LINGO2: variants seen among roughly 807,000 people sequenced by gnomAD.
LINGO2 encodes the protein leucine-rich repeat and immunoglobulin-like domain-containing nogo receptor-interacting protein 2.
Under a neutral mutation model 30.6 loss-of-function variants are expected in LINGO2, and 14 were observed. The ratio of observed to expected loss-of-function variants is 0.46; its 90% CI spans 0.30 to 0.72. The LOEUF is 0.72. LINGO2 is among the 30% of genes least tolerant of loss of function. LINGO2 has a pLI of 0.07. For missense variants in LINGO2, 729 were observed against 751.7 expected (o/e 0.97, Z 0.35); for synonymous variants, 317 against 288.5 (o/e 1.10, Z -1.00).
chr9:28,503,854 C>T (rs112854124), intron 1 of LINGO2, among the ~76,000 whole-genome samples: 4,173 of 150,194 alleles, frequency 0.028, 191 homozygotes, highest in African/African-American at 0.097. Flanking sequence ...AAAAAAGATA[C>T]GGGGGGAAAA....
intron 1 of LINGO2, among the ~76,000 whole-genome samples, chr9:28,573,789 AC>A (rs1395344065): frequency 5.3e-5 from 8 of 152,170 alleles, no homozygotes; most frequent in African/African-American, 1.9e-4. Flanking sequence ...TGAACCACTT[AC>A]CTGACAAATT....
intron 2 of LINGO2, among the ~76,000 whole-genome samples, chr9:28,411,824 G>A (rs1178130547): frequency 6.6e-6 from 1 of 152,094 alleles, no homozygotes; most frequent in Admixed American, 6.6e-5. Flanking sequence ...CTATCTTTAA[G>A]TCTTTGAAGA....
the LINGO2 span, among the ~76,000 whole-genome samples, chr9:29,025,087 T>A: frequency 6.6e-6 from 1 of 152,058 alleles, no homozygotes; most frequent in African/African-American, 2.4e-5. Context: ...TGAGAAAATG[T>A]TCCTTTCACA....
Position 28,148,870 on chromosome 9 carries a change from G to T in LINGO2, c.-86-136465C>A, listed in dbSNP as rs369207564. On this transcript the variant is annotated intron_variant, in intron 4 of 5. Transcript: ENST00000379992. This position sits in a 1 kb window ranked among gnomAD's most constrained non-coding sequence, Gnocchi z 5.1. ...CCAGCTCTCCAGGCTTGCTGATGGTGGGGGAGGACATGCAGCCCAAGGATC... is the reference window on the plus strand; with the variant it reads ...CCAGCTCTCCAGGCTTGCTGATGGTTGGGGAGGACATGCAGCCCAAGGATC... 3.9e-6 allele frequency: 6 copies of T among 1,533,600 alleles called. No homozygotes were observed. The highest frequency in any genetic ancestry group is 4.9e-5 in the East Asian group (2 of 40,910). 95.0% of individuals were successfully genotyped at this position (1,533,600 alleles called of 1,614,324 possible).
At chr9:28,145,213 G>C (rs901764024) in intron 4 of LINGO2, among the ~76,000 whole-genome samples, 7 of 152,186 alleles carry the variant, frequency 4.6e-5, no homozygotes, top group African/African-American at 1.7e-4. Flanking sequence ...GAAGCTTTAA[G>C]GGTTACTAGA....
the LINGO2 span, among the ~76,000 whole-genome samples, chr9:29,102,208 A>C: frequency 5.9e-5 from 9 of 151,948 alleles, no homozygotes; most frequent in South Asian, 1.9e-3. Flanking sequence ...CAGCCTCCCG[A>C]GTAGCTGGGA....
chr9:28,569,520 G>A (rs79145810), intron 1 of LINGO2, among the ~76,000 whole-genome samples: 4,789 of 151,702 alleles, frequency 0.032, 236 homozygotes, highest in African/African-American at 0.11. Flanking sequence ...TTGTTTAACA[G>A]AGAAGCCAGA....
intron 5 of LINGO2, among the ~76,000 whole-genome samples, chr9:27,976,999 G>A (rs528839279): frequency 5.3e-4 from 80 of 151,512 alleles, no homozygotes; most frequent in Non-Finnish European, 9.3e-4. Context: ...CACTAAGGCA[G>A]CAACAAAGAC....
chr9:29,022,874 A>C, the LINGO2 span, among the ~76,000 whole-genome samples: 2 of 151,916 alleles, frequency 1.3e-5, no homozygotes, highest in Non-Finnish European at 2.9e-5. Context: ...TAGGTTCTCC[A>C]TATCTAGCAT....
chr9:28,298,561 T>C (rs2134197246), intron 3 of LINGO2, among the ~76,000 whole-genome samples: 1 of 151,218 alleles, frequency 6.6e-6, no homozygotes, highest in South Asian at 2.1e-4. Flanking sequence ...TGCATGCCTG[T>C]AATCCCAGCT....
chr9:28,467,862 G>T (rs1484144711), intron 2 of LINGO2, among the ~76,000 whole-genome samples: 1 of 151,898 alleles, frequency 6.6e-6, no homozygotes, highest in African/African-American at 2.4e-5. Context: ...AACTAATTCT[G>T]CTTTCCCTGT....
At chr9:29,010,332 A>G in the LINGO2 span, among the ~76,000 whole-genome samples, 2 of 152,168 alleles carry the variant, frequency 1.3e-5, no homozygotes, top group East Asian at 1.9e-4. Flanking sequence ...GTAATACTTG[A>G]CAAAGTCATG....
chr9:28,134,968 C>T (rs1827475306), intron 4 of LINGO2, among the ~76,000 whole-genome samples: 1 of 152,110 alleles, frequency 6.6e-6, no homozygotes, highest in African/African-American at 2.4e-5. Context: ...TAAGAGAGAC[C>T]CTTGAGCTGC....
the LINGO2 span, among the ~76,000 whole-genome samples, chr9:28,810,019 G>C: frequency 6.6e-6 from 1 of 151,892 alleles, no homozygotes; most frequent in Non-Finnish European, 1.5e-5. Flanking sequence ...CTTTGCTTTG[G>C]CATCTGACTC....
the LINGO2 span, among the ~76,000 whole-genome samples, chr9:28,983,874 A>G: frequency 6.6e-6 from 1 of 152,032 alleles, no homozygotes; most frequent in Non-Finnish European, 1.5e-5. Context: ...CTGATTAAAA[A>G]GATAGCACCA....
chr9:28,506,453 C>T lies in LINGO2; in HGVS notation c.-364-30428G>A, dbSNP rs1820126892. Among the ~76,000 whole-genome samples the T allele has an allele frequency of 2.2e-4, 20 of 89,996 alleles. 1 individual carries two copies. Among genetic ancestry groups the T allele is most frequent in the Admixed American group, 1.6e-3 (12 of 7,608 alleles). The allele number at this position is 89,996 out of a possible 152,430, so 59.0% of individuals were successfully genotyped here. A position where few individuals can be genotyped will look rare whatever the true frequency, so the allele number is the denominator to read the frequency against. On this transcript the variant is annotated intron_variant, in intron 1 of 5. Coordinates refer to ENST00000379992, the Ensembl canonical transcript of LINGO2. Reference sequence around the variant, plus strand: ...ACACACACACACACACACACACACACACATACACATACACACACACACACA... The same window carrying T: ...ACACACACACACACACACACACACATACATACACATACACACACACACACA...
chr9:28,503,241 G>T (rs780794573), intron 1 of LINGO2, among the ~76,000 whole-genome samples: 2 of 151,748 alleles, frequency 1.3e-5, no homozygotes, highest in Non-Finnish European at 2.9e-5. Flanking sequence ...CAATGAATAC[G>T]AAAGTATATA....
At chr9:28,876,327 G>A in the LINGO2 span, among the ~76,000 whole-genome samples, 1 of 151,768 alleles carries the variant, frequency 6.6e-6, no homozygotes, top group African/African-American at 2.4e-5. Flanking sequence ...GTATACATGT[G>A]CCATGCTGGT....
chr9:28,552,559 C>T lies in LINGO2; in HGVS notation c.-364-76534G>A, dbSNP rs182159875. Among the ~76,000 whole-genome samples the T allele has an allele frequency of 2.5e-3, 386 of 151,858 alleles. 1 individual carries two copies. The highest frequency in any genetic ancestry group is 7.2e-3 in the African/African-American group (297 of 41,494). ...GATGTGTCTTAAGATGGATCTATTG[C>T]TATTCATAGGACTGGGAACATGGTC... On this transcript the variant is annotated intron_variant, in intron 1 of 5. Coordinates refer to ENST00000379992, the Ensembl canonical transcript of LINGO2.
Sources: gnomAD v4.1 joint callset for allele counts (sites outside exome capture counted in the v4.1 genomes callset) on GRCh38, gnomAD v4.1.1 for gene constraint, Gnocchi (gnomAD v3.1) non-coding constraint, MANE v1.5 for transcripts, NCBI Gene and HGNC (gene_info 2026-07-23, HGNC 2026-07-21) for gene names.